Variants in CLSTN2 observed in about 807,000 individuals in gnomAD.
CLSTN2 encodes calsyntenin 2.
A neutral mutation model predicts 101.2 loss-of-function variants in CLSTN2; 48 were observed. The ratio of observed to expected loss-of-function variants is 0.47; its 90% confidence interval spans 0.38 to 0.60. The LOEUF is 0.60. Ranked by LOEUF, CLSTN2 falls within the 20% of genes least tolerant of loss-of-function variation. CLSTN2 has a pLI of 0.00. For synonymous variants in CLSTN2, 481 were observed against 463.6 expected (o/e 1.04, Z -0.48); for missense variants, 1,160 against 1,238.2 (o/e 0.94, Z 0.95).
intron 2 of CLSTN2, among the ~76,000 whole-genome samples, chr3:140,354,485 C>T (rs899978161): frequency 3.3e-5 from 5 of 152,234 alleles, no homozygotes; most frequent in Admixed American, 3.3e-4. Context: ...ATGATTCCAC[C>T]CACATTGACA....
intron 2 of CLSTN2, among the ~76,000 whole-genome samples, chr3:140,190,356 C>A (rs1190603670): frequency 2.7e-5 from 4 of 145,672 alleles, no homozygotes; most frequent in Non-Finnish European, 6.0e-5. Flanking sequence ...GGATTACTCT[C>A]AATTTTTTTT....
chr3:140,292,912 T>G (rs1428562434), intron 2 of CLSTN2, among the ~76,000 whole-genome samples: 2 of 152,224 alleles, frequency 1.3e-5, no homozygotes. Context: ...ACAATGAGGC[T>G]GAGTCTCTGG....
At chr3:140,204,060 C>T (rs1034557958) in intron 2 of CLSTN2, among the ~76,000 whole-genome samples, 2 of 152,168 alleles carry the variant, frequency 1.3e-5, no homozygotes, top group African/African-American at 4.8e-5. Context: ...TTTTGGGATA[C>T]AGTGTGGCAT....
chr3:140,468,089 G>A lies in CLSTN2; in HGVS notation c.1344+1358G>A, dbSNP rs1933751988. 2.0e-5 allele frequency among the ~76,000 whole-genome samples: 3 copies of A among 152,256 alleles called. No homozygotes were observed. The South Asian group carries it at 6.2e-4, about 32-fold the overall frequency. On this transcript the variant is annotated intron_variant, in intron 8 of 16. Coordinates refer to ENST00000458420, the MANE Select transcript of CLSTN2 (RefSeq NM_022131.3). The stretch of plus-strand genomic sequence containing the variant: ...TGCTGTATGCTAATTCTAAAAATAT[G>A]GCATCTTGATTAGTCTATGTTCCTC...
intron 4 of CLSTN2, among the ~76,000 whole-genome samples, chr3:140,412,775 A>G (rs2088379642): frequency 6.6e-6 from 1 of 152,238 alleles, no homozygotes; most frequent in Non-Finnish European, 1.5e-5. Flanking sequence ...GTGAAATTAA[A>G]TAACGTGGTT....
intron 2 of CLSTN2, among the ~76,000 whole-genome samples, chr3:140,366,909 C>T (rs972594938): frequency 5.9e-5 from 9 of 152,182 alleles, no homozygotes; most frequent in African/African-American, 2.2e-4. Context: ...TCAGCCAACC[C>T]AGGGTAGAAC....
In CLSTN2 at chr3:140,564,026, A is replaced by G. The variant is rs749808454; in HGVS notation, c.2548A>G (p.Met850Val). 1 of 1,614,156 alleles carries G rather than the reference A, an allele frequency of 6.2e-7. No individual in the cohort carries two copies. The highest frequency in any genetic ancestry group is 1.1e-5 in the South Asian group (1 of 91,080). The part of the protein sequence containing the change: ...SVCMLVFVVA[M>V]GVYRVRIAHQ... ...GTGCATGCTTGTGTTTGTCGTGGCCATGGGTGTGTACCGGGTCCGGATCGC... is the reference window on the plus strand; with the variant it reads ...GTGCATGCTTGTGTTTGTCGTGGCCGTGGGTGTGTACCGGGTCCGGATCGC... The change falls in exon 16 of 17, where the codon ATG becomes GTG. Residue 850 changes from methionine to valine, a missense_variant. Physicochemically the swap from Met to Val is conservative, Grantham distance 21 (BLOSUM62 1). Transcript: ENST00000458420.
chr3:140,365,379 G>A (rs1285776219), intron 2 of CLSTN2, among the ~76,000 whole-genome samples: 1 of 152,034 alleles, frequency 6.6e-6, no homozygotes, highest in Non-Finnish European at 1.5e-5. Flanking sequence ...ATTTCAAAGG[G>A]ATTTTTCAAG....
At chr3:140,558,944 C>A in intron 12 of CLSTN2, 87 bp downstream of exon 12, 1 of 1,043,964 alleles carries the variant, frequency 9.6e-7, no homozygotes, top group Non-Finnish European at 1.4e-6. Flanking sequence ...CAGCATTGTT[C>A]ATGTAATGTA....
intron 10 of CLSTN2, among the ~76,000 whole-genome samples, chr3:140,547,442 C>G (rs1324996634): frequency 6.6e-6 from 1 of 151,818 alleles, no homozygotes; most frequent in African/African-American, 2.4e-5. Flanking sequence ...CCAATGCACT[C>G]CAGCCTGGGC....
At chr3:140,289,675 A>G (rs1284783812) in intron 2 of CLSTN2, among the ~76,000 whole-genome samples, 1 of 152,124 alleles carries the variant, frequency 6.6e-6, no homozygotes, top group African/African-American at 2.4e-5. Flanking sequence ...TGAATGAATG[A>G]AGAAATAAAT....
intron 2 of CLSTN2, among the ~76,000 whole-genome samples, chr3:140,201,951 T>C (rs2010722976): frequency 6.6e-6 from 1 of 152,138 alleles, no homozygotes; most frequent in African/African-American, 2.4e-5. Flanking sequence ...GAAGATGATA[T>C]TGAGCAAAGT....
At chr3:140,207,420 T>TG (rs2010797671) in intron 2 of CLSTN2, among the ~76,000 whole-genome samples, 1 of 152,224 alleles carries the variant, frequency 6.6e-6, no homozygotes, top group African/African-American at 2.4e-5. Context: ...GAGAAAACTT[T>TG]GTGACCTTTA....
At chr3:140,517,731 C>G (rs895028597) in intron 8 of CLSTN2, among the ~76,000 whole-genome samples, 87 of 152,252 alleles carry the variant, frequency 5.7e-4, no homozygotes, top group African/African-American at 1.7e-3. Flanking sequence ...GGAGGGGAAT[C>G]AGGTGGACTC....
At chr3:140,018,058 G>A (rs1231833640) in intron 1 of CLSTN2, among the ~76,000 whole-genome samples, 1 of 152,198 alleles carries the variant, frequency 6.6e-6, no homozygotes, top group Non-Finnish European at 1.5e-5. Flanking sequence ...TTGTTCTTTT[G>A]AGTCTGAGAA....
rs551865988 is a variant in CLSTN2, at chr3:140,322,179, C to T, written c.233-81450C>T. Among the ~76,000 whole-genome samples the T allele has an allele frequency of 9.8e-5, 15 of 152,356 alleles. No individual in the cohort carries two copies. In the South Asian group the frequency reaches 2.9e-3, roughly 29 times the overall value. ...CAGTGTTGGGGAGAGGCAGGGCTTC[C>T]CTGGCCTGGGTAATGCATTTCTGGT... On this transcript the variant is annotated intron_variant, in intron 2 of 16. Transcript: ENST00000458420.
chr3:140,316,456 C>A (rs1240901638), intron 2 of CLSTN2, among the ~76,000 whole-genome samples: 2 of 152,132 alleles, frequency 1.3e-5, no homozygotes, highest in Non-Finnish European at 2.9e-5. Context: ...TAAACAGTGC[C>A]CACACTCTTG....
At chr3:140,460,737 T>C (rs1386227431) in intron 7 of CLSTN2, among the ~76,000 whole-genome samples, 1 of 152,338 alleles carries the variant, frequency 6.6e-6, no homozygotes. Context: ...CAAGATCTTA[T>C]GCAAATTGTA....
At chr3:140,089,526 A>T (rs1236128393) in intron 1 of CLSTN2, among the ~76,000 whole-genome samples, 1 of 152,146 alleles carries the variant, frequency 6.6e-6, no homozygotes, top group Non-Finnish European at 1.5e-5. Flanking sequence ...GCAGTAAAGA[A>T]ATAAAGCCCC....
Sources: allele counts gnomAD v4.1 joint callset (sites outside exome capture counted in the v4.1 genomes callset), GRCh38; gene constraint gnomAD v4.1.1; transcripts MANE v1.5; gene names NCBI Gene and HGNC (gene_info 2026-07-23, HGNC 2026-07-21).